The following UBE2W variants were observed in gnomAD, a reference collection of about 807,000 sequenced individuals.
UBE2W encodes ubiquitin-conjugating enzyme E2 W.
UBE2W carries 18 observed loss-of-function variants against 27.2 expected under a neutral mutation model. The ratio of observed to expected loss-of-function variants is 0.66; its 90% CI spans 0.46 to 0.98. The LOEUF (loss-of-function observed/expected upper bound fraction) is 0.98. Ranked by LOEUF, UBE2W falls within the 50% of genes least tolerant of loss-of-function variation. UBE2W has a pLI of 0.00. For synonymous variants in UBE2W, 53 were observed against 57.2 expected, an observed-to-expected ratio of 0.93 and a Z score of 0.33; for missense variants, 90 against 180.2, an observed-to-expected ratio of 0.50 and a Z score of 2.87.
In UBE2W at chr8:73,792,449, A is replaced by T. The variant is rs1808243742; in HGVS notation, c.*1653T>A. On this transcript the variant is annotated 3_prime_UTR_variant, in exon 6 of 6. Transcript: ENST00000602593. ...TTGAGTGTAAAATTATATGCCCTTA[A>T]TTAACAACATGTACAAAGCTACAAA... The T allele has an allele frequency of 1.0e-6, 1 of 985,606 alleles. No individual in the cohort carries two copies. Among genetic ancestry groups the T allele is most frequent in the African/African-American group, 1.7e-5 (1 of 57,234 alleles). The allele number at this position is 985,606 out of a possible 1,614,324, so 61.1% of individuals were successfully genotyped here.
downstream of UBE2W, among the ~76,000 whole-genome samples, chr8:73,784,337 C>A (rs1160460804): frequency 1.3e-5 from 2 of 152,130 alleles, no homozygotes; most frequent in Non-Finnish European, 2.9e-5. Flanking sequence ...GATCATAGTT[C>A]CTTGAGACTC....
intron 3 of UBE2W, among the ~76,000 whole-genome samples, chr8:73,813,953 G>C (rs1044700130): frequency 6.6e-6 from 1 of 151,984 alleles, no homozygotes; most frequent in African/African-American, 2.4e-5. Flanking sequence ...AGCTGGTCTC[G>C]AACTCCTGAC....
intron 1 of UBE2W, chr8:73,831,970 T>G (rs926284614): frequency 6.6e-6 from 1 of 151,680 alleles, no homozygotes; most frequent in African/African-American, 2.4e-5. Context: ...ACTGGCAGAT[T>G]TATGAAGGAA....
At chr8:73,810,300 G>A (rs758376121) in intron 4 of UBE2W, among the ~76,000 whole-genome samples, 174 bp downstream of exon 4, 5 of 152,014 alleles carry the variant, frequency 3.3e-5, no homozygotes, top group Non-Finnish European at 5.9e-5. Flanking sequence ...CTTCTATTTG[G>A]AATGAAAGGT....
rs1191307404 is a variant in UBE2W at position 73,810,416 on chromosome 8, ATTTATC to A, written c.366+52_366+57del. 2.1e-6 allele frequency: 3 copies of A among 1,454,556 alleles called. No individual in the cohort carries two copies. The African/African-American group carries it at 4.4e-5, about 21-fold the overall frequency. 90.1% of individuals were successfully genotyped at this position (1,454,556 alleles called of 1,614,324 possible). A position where few individuals can be genotyped will look rare whatever the true frequency, so the allele number is the denominator to read the frequency against. On this transcript the variant is annotated intron_variant, in intron 4 of 5. Coordinates refer to ENST00000602593, the MANE Select transcript of UBE2W (RefSeq NM_018299.6). ...ATAAAAATAATTACATATTAAAATT[ATTTATC>A]TACCTAACTGAAAGAAGAGATATTA...
intron 1 of UBE2W, 113 bp downstream of exon 1, chr8:73,878,695 A>C (rs926594462): frequency 1.0e-6 from 1 of 962,262 alleles, no homozygotes; most frequent in Non-Finnish European, 1.6e-6. Flanking sequence ...GGCCACCCGG[A>C]CCGATCCCGA....
At chr8:73,837,259 T>C (rs1407237940) in intron 1 of UBE2W, among the ~76,000 whole-genome samples, 1 of 152,220 alleles carries the variant, frequency 6.6e-6, no homozygotes, top group African/African-American at 2.4e-5. Flanking sequence ...ATGCCTGTAA[T>C]CCCAGCACTC....
At chr8:73,822,602 C>CAA (rs67427702) in intron 3 of UBE2W, among the ~76,000 whole-genome samples, 871 of 51,122 alleles carry the variant, frequency 0.017, 124 homozygotes, top group African/African-American at 0.047. Context: ...CTTGCAACTG[C>CAA]AAAAAAAAAA....
Position 73,793,184 on chromosome 8 carries a change from T to A in UBE2W, c.*918A>T. The A allele has an allele frequency of 8.1e-6, 8 of 985,832 alleles. No homozygotes were observed. Among genetic ancestry groups the A allele is most frequent in the Non-Finnish European group, 9.6e-6 (8 of 829,894 alleles). 61.1% of individuals were successfully genotyped at this position (985,832 alleles called of 1,614,324 possible). Reference sequence around the variant, plus strand: ...AATAAATGAAATAGTGTTTAGGCAGTAGGGCTCATGCTGATGGCTAGCAGG... The same window carrying A: ...AATAAATGAAATAGTGTTTAGGCAGAAGGGCTCATGCTGATGGCTAGCAGG... On this transcript the variant is annotated 3_prime_UTR_variant, in exon 6 of 6. Coordinates refer to ENST00000602593, the MANE Select transcript of UBE2W (RefSeq NM_018299.6).
chr8:73,801,211 G>A (rs1017993479), intron 5 of UBE2W, among the ~76,000 whole-genome samples: 1 of 152,158 alleles, frequency 6.6e-6, no homozygotes, highest in Non-Finnish European at 1.5e-5. Flanking sequence ...CAGGTAAGAA[G>A]AAACTCTGAA....
rs1811886528 is a variant in UBE2W at position 73,868,906 on chromosome 8, C to T, written c.15+9902G>A. On this transcript the variant is annotated intron_variant, in intron 1 of 5. Coordinates refer to ENST00000602593, the MANE Select transcript of UBE2W (RefSeq NM_018299.6). ...TAACAAAAACAAATTAAAACACAAGCCTACATAAAAACTTGTACATACATG... is the reference window on the plus strand; with the variant it reads ...TAACAAAAACAAATTAAAACACAAGTCTACATAAAAACTTGTACATACATG... 2.0e-5 allele frequency among the ~76,000 whole-genome samples: 3 copies of T among 152,106 alleles called. No individual in the cohort carries two copies. In the South Asian group the frequency reaches 6.2e-4, roughly 32 times the overall value.
intron 1 of UBE2W, among the ~76,000 whole-genome samples, chr8:73,839,554 G>A (rs1357774843): frequency 6.6e-6 from 1 of 151,398 alleles, no homozygotes; most frequent in African/African-American, 2.4e-5. Context: ...CTACTCGGGA[G>A]GCTGAGGCAG....
Position 73,793,046 on chromosome 8 carries a change from T to G in UBE2W, c.*1056A>C, listed in dbSNP as rs1016790551. 1 of 985,412 alleles carries G rather than the reference T, an allele frequency of 1.0e-6. No individual in the cohort carries two copies. Among genetic ancestry groups the G allele is most frequent in the African/African-American group, 1.7e-5 (1 of 57,232 alleles). 61.0% of individuals were successfully genotyped at this position (985,412 alleles called of 1,614,324 possible). On this transcript the variant is annotated 3_prime_UTR_variant, in exon 6 of 6. Transcript: ENST00000602593. ...ATGATACTCACAAGTAAAGAAAATT[T>G]ACAAGAAAAAACTTAACAAAAGTTT...
At chr8:73,825,332 A>AGTGCTTAGTG in intron 2 of UBE2W, 83 bp from the exon 3 acceptor site, 1 of 921,632 alleles carries the variant, frequency 1.1e-6, no homozygotes, top group Non-Finnish European at 1.7e-6. Context: ...AGTACTTCCT[A>AGTGCTTAGTG]TACACTAAGC....
intron 1 of UBE2W, among the ~76,000 whole-genome samples, chr8:73,839,797 A>C (rs2130925330): frequency 6.8e-6 from 1 of 146,464 alleles, no homozygotes; most frequent in East Asian, 2.0e-4. Flanking sequence ...CAGTGGTGCA[A>C]TCTCTGCTCA....
chr8:73,806,209 T>C (rs962487505), intron 4 of UBE2W, among the ~76,000 whole-genome samples: 1 of 151,992 alleles, frequency 6.6e-6, no homozygotes, highest in African/African-American at 2.4e-5. Flanking sequence ...AAAGGACTGA[T>C]GAGAAAAGTC....
chr8:73,848,607 A>C (rs1586518887), intron 1 of UBE2W, among the ~76,000 whole-genome samples: 1 of 152,280 alleles, frequency 6.6e-6, no homozygotes, highest in South Asian at 2.1e-4. Flanking sequence ...TGGGAGGAAC[A>C]CCTGAGCCTA....
chr8:73,809,904 T>A (rs1055623900), intron 4 of UBE2W, among the ~76,000 whole-genome samples: 6 of 137,390 alleles, frequency 4.4e-5, no homozygotes, highest in African/African-American at 2.2e-4. Context: ...ATTAAGTGAT[T>A]TTTTTTCTTT....
rs532435986 is a variant in UBE2W at position 73,809,185 on chromosome 8, T to TA, written c.366+1288dup. 2.7e-3 allele frequency among the ~76,000 whole-genome samples: 409 copies of TA among 151,942 alleles called. 1 individual carries two copies. The highest frequency in any genetic ancestry group is 9.6e-3 in the African/African-American group (396 of 41,420). On this transcript the variant is annotated intron_variant, in intron 4 of 5. Transcript: ENST00000602593. ...ATAACAGCAATAAGCAACAAATGAGTAAAAAAACAAAACAAAACCAATTTA... is the reference window on the plus strand; with the variant it reads ...ATAACAGCAATAAGCAACAAATGAGTAAAAAAAACAAAACAAAACCAATTTA...
Sources: gnomAD v4.1 joint callset for allele counts (sites outside exome capture counted in the v4.1 genomes callset) on GRCh38, gnomAD v4.1.1 for gene constraint, MANE v1.5 for transcripts, NCBI Gene and HGNC (gene_info 2026-07-23, HGNC 2026-07-21) for gene names.